The following PCDH15 variants were observed in gnomAD, a reference collection of about 807,000 sequenced individuals.
PCDH15 encodes protocadherin-15.
In PCDH15, 129 loss-of-function variants were observed where a neutral mutation model predicts 178.5. The ratio of observed to expected loss-of-function variants is 0.72; its 90% confidence interval spans 0.63 to 0.84. The LOEUF is 0.84. PCDH15 is among the 40% of genes least tolerant of loss of function. PCDH15 has a pLI of 0.00. For missense variants in PCDH15, 2,230 were observed against 2,099.9 expected, an observed-to-expected ratio of 1.06 and a Z score of -1.21; for synonymous variants, 800 against 732.0, an observed-to-expected ratio of 1.09 and a Z score of -1.50.
intron 29 of PCDH15, among the ~76,000 whole-genome samples, chr10:53,831,764 A>T (rs1345773937): frequency 2.0e-5 from 3 of 152,178 alleles, no homozygotes; most frequent in African/African-American, 7.2e-5. Context: ...ACAGCTCTTG[A>T]TCTGCTTATA....
chr10:54,664,359 T>C, intron 1 of PCDH15, 69 bp from the exon 2 acceptor site: 2 of 984,982 alleles, frequency 2.0e-6, no homozygotes, highest in Non-Finnish European at 3.1e-6. Context: ...AACACAATTG[T>C]CACAGCACAG....
At chr10:54,051,093 A>C (rs1298098382) in intron 18 of PCDH15, among the ~76,000 whole-genome samples, 2 of 152,316 alleles carry the variant, frequency 1.3e-5, no homozygotes, top group East Asian at 3.9e-4. Flanking sequence ...ACTGTGAGTC[A>C]ATTAAACCTC....
At chr10:54,455,835 C>T (rs575806862) in intron 3 of PCDH15, among the ~76,000 whole-genome samples, 2 of 152,242 alleles carry the variant, frequency 1.3e-5, no homozygotes, top group South Asian at 4.1e-4. Flanking sequence ...TGGTGCTCTG[C>T]ATCCCAGCTG....
chr10:55,253,245 T>TGTGC (rs1377811939), intron 1 of PCDH15, among the ~76,000 whole-genome samples: 1 of 100,322 alleles, frequency 1.0e-5, no homozygotes, highest in African/African-American at 3.3e-5. Context: ...TGTGTGTGTG[T>TGTGC]GTGCGTGTGT....
intron 8 of PCDH15, among the ~76,000 whole-genome samples, chr10:54,297,193 G>T (rs577805391): frequency 2.6e-5 from 4 of 152,026 alleles, no homozygotes; most frequent in Admixed American, 6.6e-5. Flanking sequence ...AAACAAAACC[G>T]CAGGTGGTTT....
intron 1 of PCDH15, among the ~76,000 whole-genome samples, chr10:54,716,956 C>A (rs577798294): frequency 1.6e-4 from 23 of 148,230 alleles, no homozygotes; most frequent in East Asian, 9.8e-4. Flanking sequence ...AATAAGGCCG[C>A]ATATCTACAA....
At chr10:54,740,368 A>G (rs1944625547) in intron 1 of PCDH15, among the ~76,000 whole-genome samples, 1 of 151,798 alleles carries the variant, frequency 6.6e-6, no homozygotes, top group African/African-American at 2.4e-5. Flanking sequence ...TAAAAAGACA[A>G]CAAATAACCA....
At chr10:54,086,139 A>T (rs1226486849) in intron 16 of PCDH15, among the ~76,000 whole-genome samples, 2 of 152,146 alleles carry the variant, frequency 1.3e-5, no homozygotes, top group African/African-American at 4.8e-5. Flanking sequence ...TACAGGCTGT[A>T]TAAGAAGCAT....
chr10:55,089,850 C>G (rs777432582), intron 2 of PCDH15, among the ~76,000 whole-genome samples: 1 of 152,022 alleles, frequency 6.6e-6, no homozygotes, highest in Non-Finnish European at 1.5e-5. Flanking sequence ...GATATTTATT[C>G]GGGAAGTTAA....
At chr10:55,439,986 T>C (rs969383423) in intron 2 of PCDH15, among the ~76,000 whole-genome samples, 1 of 152,154 alleles carries the variant, frequency 6.6e-6, no homozygotes, top group African/African-American at 2.4e-5. Context: ...AGAGGTCCGT[T>C]GTACTGATGA....
intron 2 of PCDH15, among the ~76,000 whole-genome samples, chr10:55,348,116 A>G (rs1361996278): frequency 6.6e-6 from 1 of 152,134 alleles, no homozygotes; most frequent in Non-Finnish European, 1.5e-5. Flanking sequence ...TAGAAGACCT[A>G]GTTATATATC....
intron 2 of PCDH15, among the ~76,000 whole-genome samples, chr10:55,095,404 T>G (rs1337068099): frequency 6.6e-6 from 1 of 152,062 alleles, no homozygotes; most frequent in Non-Finnish European, 1.5e-5. Flanking sequence ...CTCAATTTAG[T>G]GGTATTTTAT....
At chr10:55,442,485 A>ATATATATTATATATATATAT (rs1839218306) in intron 2 of PCDH15, among the ~76,000 whole-genome samples, 11 of 91,742 alleles carry the variant, frequency 1.2e-4, no homozygotes, top group South Asian at 3.5e-4. Context: ...TATATATTAT[A>ATATATATTATATATATATAT]TATATATATA....
At chr10:55,607,814 G>T (rs975016409) in intron 2 of PCDH15, among the ~76,000 whole-genome samples, 8 of 149,500 alleles carry the variant, frequency 5.4e-5, no homozygotes, top group African/African-American at 2.0e-4. Context: ...CAAGTTAGTG[G>T]GTGCAGCGCA....
chr10:55,074,106 C>T (rs1439081349), intron 2 of PCDH15, among the ~76,000 whole-genome samples: 4 of 152,002 alleles, frequency 2.6e-5, no homozygotes, highest in Admixed American at 2.0e-4. Flanking sequence ...TTTATTCAGT[C>T]TATTATTGAT....
chr10:54,013,615 C>T (rs1370782416), intron 20 of PCDH15, among the ~76,000 whole-genome samples: 2 of 152,122 alleles, frequency 1.3e-5, no homozygotes, highest in African/African-American at 4.8e-5. Context: ...ACATTCAAAA[C>T]CATACAATTA....
chr10:54,157,809 A>G lies in PCDH15; in HGVS notation c.1591-4516T>C, dbSNP rs1162377592. Among the ~76,000 whole-genome samples, 3 of 152,208 alleles carry G rather than the reference A, an allele frequency of 2.0e-5. No individual in the cohort carries two copies. The East Asian group carries it at 5.8e-4, about 29-fold the overall frequency. ...ACACCTCATGAATGTTTTGCTGCTA[A>G]GAAATTTATTCCGCCAGGTATCCCA... On this transcript the variant is annotated intron_variant, in intron 13 of 37. Transcript: ENST00000644397.
chr10:54,696,176 A>G (rs2095220547), intron 1 of PCDH15, among the ~76,000 whole-genome samples: 1 of 152,114 alleles, frequency 6.6e-6, no homozygotes, highest in Admixed American at 6.6e-5. Flanking sequence ...AGGAGATCAA[A>G]TAACAACTTT....
chr10:55,174,142 T>C (rs1839416109), intron 1 of PCDH15, among the ~76,000 whole-genome samples: 1 of 152,214 alleles, frequency 6.6e-6, no homozygotes, highest in South Asian at 2.1e-4. Context: ...CGATTTTAAA[T>C]TGATAAATGC....
Sources: gnomAD v4.1 joint callset for allele counts (sites outside exome capture counted in the v4.1 genomes callset) on GRCh38, gnomAD v4.1.1 for gene constraint, MANE v1.5 for transcripts, NCBI Gene and HGNC (gene_info 2026-07-23, HGNC 2026-07-21) for gene names.